The following PACRG variants were observed in gnomAD, a reference collection of about 807,000 sequenced individuals.
The protein encoded by PACRG is parkin coregulated gene protein.
In PACRG, 29 loss-of-function variants were observed where a neutral mutation model predicts 29.7. The ratio of observed to expected loss-of-function variants is 0.98; its 90% confidence interval spans 0.73 to 1.33. The LOEUF is 1.33. Ranked by LOEUF, PACRG falls within the 40% of genes most tolerant of loss-of-function variation. PACRG has a pLI of 0.00. For synonymous variants in PACRG, 116 were observed against 118.7 expected, an observed-to-expected ratio of 0.98 and a Z score of 0.15; for missense variants, 279 against 316.2, an observed-to-expected ratio of 0.88 and a Z score of 0.89.
intron 2 of PACRG, among the ~76,000 whole-genome samples, chr6:162,882,544 G>T (rs1342520653): frequency 6.6e-6 from 1 of 152,174 alleles, no homozygotes; most frequent in Non-Finnish European, 1.5e-5. Flanking sequence ...AAAATTATAA[G>T]AGGAAGAGTG....
chr6:163,297,203 G>A (rs1562365157), intron 4 of PACRG, among the ~76,000 whole-genome samples: 3 of 152,114 alleles, frequency 2.0e-5, no homozygotes, highest in Non-Finnish European at 2.9e-5. Flanking sequence ...CACTAAAGAG[G>A]GTGAACAAAA....
At chr6:163,107,428 G>T (rs1815443650) in intron 4 of PACRG, among the ~76,000 whole-genome samples, 1 of 152,186 alleles carries the variant, frequency 6.6e-6, no homozygotes, top group Non-Finnish European at 1.5e-5. Context: ...TTATTTCATT[G>T]GTGGTGGATC....
rs1584349232 is a variant in PACRG at position 162,786,042 on chromosome 6, T to G, written c.157-28105T>G. Among the ~76,000 whole-genome samples the G allele has an allele frequency of 6.6e-5, 10 of 152,376 alleles. No homozygotes were observed. In the South Asian group the frequency reaches 2.1e-3, roughly 32 times the overall value. ...GCAGGGCCTGCCATATCTCTAGTTT[T>G]TCCTTTCCTAAAGGGAAGTGTTTGT... On this transcript the variant is annotated intron_variant, in intron 1 of 4. Coordinates refer to ENST00000366888, the MANE Select transcript of PACRG (RefSeq NM_001080379.2).
intron 2 of PACRG, among the ~76,000 whole-genome samples, chr6:163,014,599 A>G (rs77431240): frequency 0.01 from 1,558 of 151,924 alleles, 19 homozygotes; most frequent in African/African-American, 0.036. Context: ...GCATTTCTCT[A>G]ATAATTACTG....
rs555102177 is a variant in PACRG at position 162,769,459 on chromosome 6, G to A, written c.156+41068G>A. 1.5e-4 allele frequency among the ~76,000 whole-genome samples: 23 copies of A among 152,172 alleles called. No homozygotes were observed. The South Asian group carries it at 4.2e-3, about 28-fold the overall frequency. On this transcript the variant is annotated intron_variant, in intron 1 of 4. Transcript: ENST00000366888. ...AATTACTTGTTCAAAGCTCATACGT[G>A]TTGTAGCAAGGACTAAGTAGTCTTA...
chr6:162,979,823 G>A (rs1462503010), intron 2 of PACRG, among the ~76,000 whole-genome samples: 1 of 151,936 alleles, frequency 6.6e-6, no homozygotes, highest in Admixed American at 6.6e-5. Flanking sequence ...ACTAATGAAA[G>A]TTTAATGTGC....
At chr6:163,163,732 T>TATTAAATATTGAG (rs1237512298) in intron 4 of PACRG, among the ~76,000 whole-genome samples, 1 of 152,236 alleles carries the variant, frequency 6.6e-6, no homozygotes, top group Non-Finnish European at 1.5e-5. Flanking sequence ...TTCAGTAGCA[T>TATTAAATATTGAG]ATTAAATATT....
At chr6:163,180,082 A>G (rs1343436805) in intron 4 of PACRG, among the ~76,000 whole-genome samples, 1 of 152,244 alleles carries the variant, frequency 6.6e-6, no homozygotes, top group African/African-American at 2.4e-5. Context: ...TGCATTATCC[A>G]GTGATCAGCT....
At chr6:163,157,752 C>T (rs375095680) in intron 4 of PACRG, among the ~76,000 whole-genome samples, 219 of 152,340 alleles carry the variant, frequency 1.4e-3, no homozygotes, top group African/African-American at 4.8e-3. Context: ...CACAAGCACT[C>T]GGCTTGGAAG....
chr6:163,140,256 G>A (rs1335890511), intron 4 of PACRG, among the ~76,000 whole-genome samples: 1 of 152,160 alleles, frequency 6.6e-6, no homozygotes, highest in Non-Finnish European at 1.5e-5. Context: ...TAGATCCCTA[G>A]GCCAGAAACA....
intron 4 of PACRG, among the ~76,000 whole-genome samples, chr6:163,253,246 G>C (rs1782978038): frequency 6.6e-6 from 1 of 151,144 alleles, no homozygotes; most frequent in South Asian, 2.1e-4. Context: ...GTTGCAGTGA[G>C]GGGAGATCGC....
intron 2 of PACRG, among the ~76,000 whole-genome samples, chr6:162,937,139 T>C (rs184115658): frequency 6.6e-6 from 1 of 152,302 alleles, no homozygotes; most frequent in East Asian, 1.9e-4. Context: ...GGGTGGAGCT[T>C]AGACAATCCT....
At chr6:162,755,176 C>G (rs1781808198) in intron 1 of PACRG, among the ~76,000 whole-genome samples, 1 of 151,882 alleles carries the variant, frequency 6.6e-6, no homozygotes, top group Admixed American at 6.6e-5. Context: ...TTTGAGAAAG[C>G]TTTCTTTTTT....
chr6:163,089,114 C>T (rs1813862082), intron 3 of PACRG, 145 bp from the exon 4 acceptor site: 1 of 741,560 alleles, frequency 1.3e-6, no homozygotes, highest in African/African-American at 1.8e-5. Context: ...AATGTGTCAT[C>T]CAAAGCTATA....
upstream of PACRG, chr6:162,727,829 G>T (rs908838998): frequency 1.4e-6 from 1 of 701,234 alleles, no homozygotes; most frequent in Non-Finnish European, 2.4e-6. Flanking sequence ...CGCGGCCCAG[G>T]GCCTGCTGGG....
chr6:163,072,042 A>C (rs375897575), intron 3 of PACRG, among the ~76,000 whole-genome samples: 20 of 14,874 alleles, frequency 1.3e-3, no homozygotes, highest in African/African-American at 2.9e-3. Context: ...AACTATTCCC[A>C]AAAAAAAAAT....
chr6:163,006,022 T>C (rs1421598127), intron 2 of PACRG, among the ~76,000 whole-genome samples: 1 of 135,584 alleles, frequency 7.4e-6, no homozygotes, highest in Non-Finnish European at 1.5e-5. Flanking sequence ...TTATATACAT[T>C]ATATATGTTA....
At chr6:163,255,660 A>G (rs898684130) in intron 4 of PACRG, among the ~76,000 whole-genome samples, 2 of 152,054 alleles carry the variant, frequency 1.3e-5, no homozygotes, top group Non-Finnish European at 2.9e-5. Flanking sequence ...AGTTTGAGAC[A>G]GAGCCTTGCT....
intron 4 of PACRG, among the ~76,000 whole-genome samples, chr6:163,307,743 A>T (rs1052048104): frequency 1.3e-5 from 2 of 152,226 alleles, no homozygotes; most frequent in Admixed American, 1.3e-4. Context: ...AAAGCTAAAA[A>T]AATAGAGTGA....
Sources: gnomAD v4.1 joint callset for allele counts (sites outside exome capture counted in the v4.1 genomes callset) on GRCh38, gnomAD v4.1.1 for gene constraint, MANE v1.5 for transcripts, NCBI Gene and HGNC (gene_info 2026-07-23, HGNC 2026-07-21) for gene names.